CRB1: variants seen among roughly 807,000 people sequenced by gnomAD.
CRB1 encodes protein crumbs homolog 1.
Under a neutral mutation model 120.0 loss-of-function variants are expected in CRB1, and 83 were observed. The ratio of observed to expected loss-of-function variants is 0.69; its 90% CI spans 0.58 to 0.83. CRB1 has a LOEUF of 0.83. CRB1 is among the 40% of genes least tolerant of loss of function. The pLI, the probability that CRB1 is intolerant of heterozygous loss-of-function variation, is 0.00. For missense variants in CRB1, 1,699 were observed against 1,687.6 expected, an observed-to-expected ratio of 1.01 and a Z score of -0.12; for synonymous variants, 625 against 612.5, an observed-to-expected ratio of 1.02 and a Z score of -0.30.
At chr1:197,334,166 A>T (rs1333861132) in intron 2 of CRB1, among the ~76,000 whole-genome samples, 2 of 152,190 alleles carry the variant, frequency 1.3e-5, no homozygotes, top group African/African-American at 4.8e-5. Context: ...TGATGCTGTT[A>T]GTTTGGGGAC....
At chr1:197,369,627 G>A (rs913659265) in intron 5 of CRB1, among the ~76,000 whole-genome samples, 2 of 152,104 alleles carry the variant, frequency 1.3e-5, no homozygotes, top group Admixed American at 6.5e-5. Flanking sequence ...AAGTACATCA[G>A]GAACAATACC....
the CRB1 span, chr1:197,222,953 G>T: frequency 2.3e-6 from 2 of 882,040 alleles, no homozygotes; most frequent in Non-Finnish European, 3.9e-6. Context: ...AGAGTTTGCA[G>T]ATAACATGTA....
At chr1:197,293,257 A>T (rs1277041924) in intron 1 of CRB1, among the ~76,000 whole-genome samples, 4 of 152,166 alleles carry the variant, frequency 2.6e-5, no homozygotes, top group Non-Finnish European at 5.9e-5. Flanking sequence ...AAGCATTCTT[A>T]TACACCAATA....
intron 5 of CRB1, among the ~76,000 whole-genome samples, chr1:197,361,153 G>C (rs1660747192): frequency 6.7e-6 from 1 of 148,868 alleles, no homozygotes; most frequent in Admixed American, 6.7e-5. Flanking sequence ...TGACTTTTTT[G>C]CTTCTAAGTT....
chr1:197,286,340 A>T (rs1328575660), intron 1 of CRB1, among the ~76,000 whole-genome samples: 1 of 151,892 alleles, frequency 6.6e-6, no homozygotes, highest in African/African-American at 2.4e-5. Flanking sequence ...TGTACCTGTT[A>T]TCTATACTTT....
At chr1:197,283,890 G>A (rs1302332923) in intron 1 of CRB1, among the ~76,000 whole-genome samples, 1 of 151,596 alleles carries the variant, frequency 6.6e-6, no homozygotes, top group African/African-American at 2.4e-5. Context: ...AACAGAAGTA[G>A]CTATATATAG....
At chr1:197,319,806 G>C (rs926792183) in intron 1 of CRB1, among the ~76,000 whole-genome samples, 1 of 152,094 alleles carries the variant, frequency 6.6e-6, no homozygotes. Context: ...CTTGTTTTTG[G>C]TGGTTACTAT....
chr1:197,369,206 C>T (rs1661239003), intron 5 of CRB1, among the ~76,000 whole-genome samples: 1 of 151,986 alleles, frequency 6.6e-6, no homozygotes. Flanking sequence ...GCATGTTAAT[C>T]ATTAAGTACA....
intron 1 of CRB1, among the ~76,000 whole-genome samples, chr1:197,268,794 A>G (rs1654744289): frequency 6.6e-6 from 1 of 152,158 alleles, no homozygotes; most frequent in South Asian, 2.1e-4. Context: ...TTACGCTTTT[A>G]CAAAATAGAT....
intron 11 of CRB1, among the ~76,000 whole-genome samples, chr1:197,460,756 T>G (rs1666493873): frequency 6.6e-6 from 1 of 152,298 alleles, no homozygotes; most frequent in East Asian, 1.9e-4. Flanking sequence ...ATTTGGAGAC[T>G]GTTTTTAAGC....
At chr1:197,392,439 A>G (rs111925896) in intron 5 of CRB1, among the ~76,000 whole-genome samples, 4 of 152,226 alleles carry the variant, frequency 2.6e-5, no homozygotes, top group African/African-American at 9.6e-5. Context: ...GATACTATAA[A>G]GGTAACTCAG....
the CRB1 span, among the ~76,000 whole-genome samples, chr1:197,216,094 G>A: frequency 6.6e-6 from 1 of 152,128 alleles, no homozygotes; most frequent in African/African-American, 2.4e-5. Flanking sequence ...CCTTCTGAAT[G>A]TAGAGTTTCC....
At chr1:197,366,708 C>G (rs564856178) in intron 5 of CRB1, among the ~76,000 whole-genome samples, 1 of 152,024 alleles carries the variant, frequency 6.6e-6, no homozygotes, top group African/African-American at 2.4e-5. Context: ...AATCAAGACC[C>G]CCTGAAGGAG....
intron 1 of CRB1, among the ~76,000 whole-genome samples, chr1:197,310,079 G>A (rs1537996): frequency 0.17 from 25,103 of 152,100 alleles, 2,301 homozygotes; most frequent in Middle Eastern, 0.25. Context: ...GTGTGCAATG[G>A]TATGATGTTT....
At chr1:197,341,749 T>C (rs1659474055) in intron 2 of CRB1, among the ~76,000 whole-genome samples, 1 of 152,212 alleles carries the variant, frequency 6.6e-6, no homozygotes. Flanking sequence ...TGGCTTTTGC[T>C]GAAACTTGGC....
At chr1:197,347,231 T>C (rs1443109978) in intron 3 of CRB1, 109 bp from the exon 4 acceptor site, 2 of 952,522 alleles carry the variant, frequency 2.1e-6, no homozygotes, top group Non-Finnish European at 3.4e-6. Context: ...TTTGAGGTAG[T>C]AAGATGATGC....
the CRB1 span, among the ~76,000 whole-genome samples, chr1:197,248,333 G>A: frequency 7.9e-5 from 12 of 151,928 alleles, no homozygotes; most frequent in South Asian, 1.4e-3. Flanking sequence ...TCTGGAGTCC[G>A]ACGGGTCTGA....
At chr1:197,477,480 T>C (rs1667245130) in intron 11 of CRB1, 184 bp from the exon 12 acceptor site, 2 of 701,628 alleles carry the variant, frequency 2.9e-6, no homozygotes, top group Non-Finnish European at 2.7e-6. Context: ...TCTAGATATA[T>C]GATTATTTGT....
chr1:197,218,857 G>A, the CRB1 span, among the ~76,000 whole-genome samples: 1 of 152,184 alleles, frequency 6.6e-6, no homozygotes, highest in Non-Finnish European at 1.5e-5. Flanking sequence ...TATCCTCAGG[G>A]AATAACAAGT....
Sources: allele counts gnomAD v4.1 joint callset (sites outside exome capture counted in the v4.1 genomes callset), GRCh38; gene constraint gnomAD v4.1.1; transcripts MANE v1.5; gene names NCBI Gene and HGNC (gene_info 2026-07-23, HGNC 2026-07-21).